The following SCAP variants were observed in gnomAD, a reference collection of about 807,000 sequenced individuals.
The protein encoded by SCAP is SREBF chaperone.
SCAP carries 65 observed loss-of-function variants against 123.6 expected under a neutral mutation model. The observed-to-expected ratio is 0.53, with a 90% CI of 0.43 to 0.65. The LOEUF is 0.65. Among genes scored for constraint, SCAP ranks in the 30% least tolerant of loss-of-function variants. The pLI is 0.00. For synonymous variants in SCAP, 740 were observed against 726.3 expected, an observed-to-expected ratio of 1.02 and a Z score of -0.30; for missense variants, 1,398 against 1,712.5, an observed-to-expected ratio of 0.82 and a Z score of 3.24.
chr3:47,472,818 C>T (rs1038474498), intron 1 of SCAP, among the ~76,000 whole-genome samples: 2 of 152,058 alleles, frequency 1.3e-5, no homozygotes, highest in Non-Finnish European at 2.9e-5. Context: ...CAGTGGCTCA[C>T]GCCTGTAATC....
At chr3:47,446,527 T>C in intron 1 of SCAP, among the ~76,000 whole-genome samples, 1 of 152,172 alleles carries the variant, frequency 6.6e-6, no homozygotes, top group Admixed American at 6.5e-5. Context: ...TTGGGGTTTT[T>C]GTATTTTTTT....
At position 47,451,334 on chromosome 3, in the gene SCAP, C is replaced by T. The variant is rs1184763799; in HGVS notation, c.-98-8243G>A. On this transcript the variant is annotated intron_variant, in intron 1 of 22. Coordinates refer to ENST00000265565, the MANE Select transcript of SCAP (RefSeq NM_012235.4). ...ATGAGCCCCAATGCTGACTATTTTT[C>T]AATTATAAAAGTAAAAATATACATG... Among the ~76,000 whole-genome samples the T allele has an allele frequency of 5.1e-5, 6 of 117,758 alleles. 1 individual carries two copies. Among genetic ancestry groups the T allele is most frequent in the Non-Finnish European group, 1.8e-5 (1 of 54,470 alleles). 77.3% of individuals were successfully genotyped at this position (117,758 alleles called of 152,430 possible). A position where few individuals can be genotyped will look rare whatever the true frequency, so the allele number is the denominator to read the frequency against.
chr3:47,414,257 CACAGGAGGTGGT>C lies in SCAP; in HGVS notation c.3505_3516del (p.Thr1169_Cys1172del). On this transcript the variant is annotated inframe_deletion, in exon 22 of 23. Transcript: ENST00000265565. ...AGGTCATCCAGGCCACTGCTGATGA[CACAGGAGGTGGT>C]ACAGGTAAGGGAGGTGACATCCCCA... The C allele has an allele frequency of 6.2e-7, 1 of 1,613,638 alleles. No individual in the cohort carries two copies. Among genetic ancestry groups the C allele is most frequent in the Non-Finnish European group, 8.5e-7 (1 of 1,180,024 alleles).
chr3:47,463,580 C>T (rs1707724531), intron 1 of SCAP, among the ~76,000 whole-genome samples: 1 of 152,086 alleles, frequency 6.6e-6, no homozygotes, highest in South Asian at 2.1e-4. Flanking sequence ...TGCCTGTAAT[C>T]CCAGCTACAT....
chr3:47,437,969 T>C (rs1022628798), intron 2 of SCAP, among the ~76,000 whole-genome samples: 6 of 152,190 alleles, frequency 3.9e-5, no homozygotes, highest in Non-Finnish European at 8.8e-5. Context: ...ATGTTCCCAC[T>C]ATCACCAGTG....
intron 1 of SCAP, among the ~76,000 whole-genome samples, chr3:47,474,417 G>GT (rs1193402680): frequency 6.6e-6 from 1 of 152,116 alleles, no homozygotes; most frequent in Non-Finnish European, 1.5e-5. Context: ...TTTATATAGT[G>GT]TTTTTTACAT....
At chr3:47,435,253 T>C (rs1706523386) in intron 2 of SCAP, 116 bp from the exon 3 acceptor site, 2 of 1,149,552 alleles carry the variant, frequency 1.7e-6, no homozygotes, top group African/African-American at 3.2e-5. Context: ...TGTACAAATG[T>C]GCAAAATATT....
chr3:47,438,383 G>A (rs1055301598), intron 2 of SCAP, among the ~76,000 whole-genome samples: 7 of 150,896 alleles, frequency 4.6e-5, no homozygotes, highest in African/African-American at 1.2e-4. Context: ...ATAATACTAC[G>A]GTCTGCCTCC....
chr3:47,414,465 G>A (rs1705469693), intron 21 of SCAP, 79 bp from the exon 22 acceptor site: 4 of 1,586,038 alleles, frequency 2.5e-6, no homozygotes, highest in Non-Finnish European at 3.5e-6. Context: ...GCCCCAGTGG[G>A]TGGGGCCCTG....
intron 1 of SCAP, among the ~76,000 whole-genome samples, chr3:47,447,940 G>T (rs1707107173): frequency 1.5e-5 from 2 of 132,068 alleles, no homozygotes; most frequent in South Asian, 5.2e-4. Flanking sequence ...AGGAGGCAGA[G>T]GTTGCAGTAA....
intron 1 of SCAP, among the ~76,000 whole-genome samples, chr3:47,466,597 C>G (rs531822651): frequency 6.6e-6 from 1 of 151,998 alleles, no homozygotes; most frequent in African/African-American, 2.4e-5. Flanking sequence ...GATAGTTACA[C>G]GCAAAAGTGA....
At chr3:47,415,525 G>A (rs1179767060) in intron 18 of SCAP, among the ~76,000 whole-genome samples, 3 of 152,180 alleles carry the variant, frequency 2.0e-5, no homozygotes, top group African/African-American at 7.2e-5. Flanking sequence ...TGGAGCTGAA[G>A]GGAGGGCTGC....
At chr3:47,441,016 C>T (rs1442242877) in intron 2 of SCAP, among the ~76,000 whole-genome samples, 2 of 152,042 alleles carry the variant, frequency 1.3e-5, no homozygotes, top group African/African-American at 4.8e-5. Flanking sequence ...ATTCTCCTGC[C>T]TCAGCCTCCC....
rs1706238172 is a variant in SCAP, at chr3:47,428,603, T to C, written c.320A>G (p.Lys107Arg). The C allele has an allele frequency of 1.9e-6, 3 of 1,614,040 alleles. No homozygotes were observed. The highest frequency in any genetic ancestry group is 1.7e-5 in the Admixed American group (1 of 60,004). The change falls in exon 4 of 23, where the codon AAG becomes AGG. Residue 107 changes from lysine (K) to arginine (R), a missense_variant. Lys to Arg is a conservative substitution (Grantham distance 26). This residue lies in a region of SCAP where 319 missense variants were observed against 432.4 expected (regional missense o/e 0.74). Transcript: ENST00000265565. Reference protein sequence around the residue: ...FVKSSVFPWHKNLLAVDVFRS... With the variant: ...FVKSSVFPWHRNLLAVDVFRS... The stretch of plus-strand genomic sequence containing the variant: ...AAATACATCTACTGCCAGGAGGTTC[T>C]TGTGCCAGGGAAACACTGAGGACTT...
intron 1 of SCAP, among the ~76,000 whole-genome samples, chr3:47,467,373 G>A (rs1707863553): frequency 6.6e-6 from 1 of 152,076 alleles, no homozygotes; most frequent in African/African-American, 2.4e-5. Context: ...GGAAGGCTGA[G>A]GTGGATGGGT....
At chr3:47,440,288 G>A (rs928244381) in intron 2 of SCAP, among the ~76,000 whole-genome samples, 1 of 152,124 alleles carries the variant, frequency 6.6e-6, no homozygotes, top group Non-Finnish European at 1.5e-5. Context: ...CTGGAAGAAG[G>A]GGGCACTGCT....
chr3:47,457,076 A>G (rs528827729), intron 1 of SCAP, among the ~76,000 whole-genome samples: 16 of 152,314 alleles, frequency 1.1e-4, no homozygotes, highest in African/African-American at 3.8e-4. Context: ...CAGAGAAAAA[A>G]GCAAGGGAGC....
chr3:47,469,094 TC>T (rs1218436084), intron 1 of SCAP, among the ~76,000 whole-genome samples: 1 of 152,202 alleles, frequency 6.6e-6, no homozygotes, highest in African/African-American at 2.4e-5. Context: ...ACACCTGCAA[TC>T]CCAGCACTTG....
At chr3:47,416,186 G>C (rs1378337182) in intron 18 of SCAP, among the ~76,000 whole-genome samples, 1 of 152,342 alleles carries the variant, frequency 6.6e-6, no homozygotes, top group African/African-American at 2.4e-5. Context: ...GAGCCAGTGT[G>C]GGACAGGCAG....
Sources: allele counts gnomAD v4.1 joint callset (sites outside exome capture counted in the v4.1 genomes callset), GRCh38; gene constraint gnomAD v4.1.1; regional missense constraint gnomAD v4.1.1; transcripts MANE v1.5; gene names NCBI Gene and HGNC (gene_info 2026-07-23, HGNC 2026-07-21).